The following CRB2 variants were observed in gnomAD, a reference collection of about 807,000 sequenced individuals.
CRB2 encodes the protein protein crumbs homolog 2.
Under a neutral mutation model 110.9 loss-of-function variants are expected in CRB2, and 85 were observed. The ratio of observed to expected loss-of-function variants is 0.77; its 90% CI spans 0.64 to 0.92. The LOEUF (loss-of-function observed/expected upper bound fraction) is 0.92, where lower values mean the gene tolerates loss of function less well. Ranked by LOEUF, CRB2 falls within the 40% of genes least tolerant of loss-of-function variation. The probability of loss-of-function intolerance (pLI) is 0.00; values close to 1 mark genes in which losing one functional copy is unlikely to be tolerated. For missense variants in CRB2, 1,843 were observed against 1,851.3 expected (o/e 1.00, Z 0.08); for synonymous variants, 907 against 831.0 (o/e 1.09, Z -1.57).
chr9:123,375,101 G>A, intron 11 of CRB2, 116 bp from the exon 12 acceptor site: 1 of 1,485,706 alleles, frequency 6.7e-7, no homozygotes, highest in Non-Finnish European at 9.2e-7. Context: ...AGCGCATGGG[G>A]ACAGTGGATG....
intron 2 of CRB2, among the ~76,000 whole-genome samples, chr9:123,365,576 A>G (rs903673057): frequency 1.3e-5 from 2 of 152,154 alleles, no homozygotes; most frequent in South Asian, 2.1e-4. Flanking sequence ...CCTTCCCTGA[A>G]CAGAGCAGAC....
chr9:123,361,215 C>T (rs1187164666), intron 1 of CRB2, among the ~76,000 whole-genome samples: 2 of 151,426 alleles, frequency 1.3e-5, no homozygotes, highest in Admixed American at 6.6e-5. Flanking sequence ...TTGGCACAGG[C>T]GCTGGCAGCC....
intron 12 of CRB2, among the ~76,000 whole-genome samples, chr9:123,375,747 GGA>G (rs1287634748): frequency 1.3e-5 from 2 of 152,216 alleles, no homozygotes; most frequent in African/African-American, 4.8e-5. Context: ...AGGAAGACAC[GGA>G]GGGGCAGGGG....
Position 123,373,917 on chromosome 9 carries a change from G to C in CRB2, c.3386G>C (p.Cys1129Ser), listed in dbSNP as rs2042062338. The C allele has an allele frequency of 6.5e-7, 1 of 1,550,006 alleles. No homozygotes were observed. The highest frequency in any genetic ancestry group is 8.7e-7 in the Non-Finnish European group (1 of 1,147,800). ...CCGCCTGGCTTCGGGGGCCCGCGCT[G>C]CAGGTGGGATGGCTGGGCAGGGGGG... is the stretch of plus-strand genomic sequence containing the variant. ...RCPPGFGGPR[C>S]RLPVPSKECS... Residue 1129 changes from cysteine to serine, a missense_variant, in exon 10 of 13, where the codon TGC becomes TCC. Coordinates refer to ENST00000373631, the MANE Select transcript of CRB2 (RefSeq NM_173689.7).
chr9:123,370,241 G>C lies in CRB2; in HGVS notation c.1188G>C (p.Gln396His). 1 of 1,613,312 alleles carries C rather than the reference G, an allele frequency of 6.2e-7. No individual in the cohort carries two copies. Among genetic ancestry groups the C allele is most frequent in the South Asian group, 1.1e-5 (1 of 91,082 alleles). The change falls in exon 7 of 13, where the codon CAG becomes CAC. Residue 396 changes from glutamine to histidine, a missense_variant. Physicochemically the swap from Gln to His is conservative, Grantham distance 24 (BLOSUM62 0). Transcript: ENST00000373631. ...ETWGGRDCSV[Q>H]LTGCQGHTCP... The stretch of plus-strand genomic sequence containing the variant: ...GGGGTGGGCGCGACTGTTCTGTGCA[G>C]CTCACTGGCTGCCAGGGCCACACCT...
intron 6 of CRB2, chr9:123,368,832 C>T (rs1017335857): frequency 3.2e-6 from 4 of 1,244,322 alleles, no homozygotes; most frequent in African/African-American, 1.6e-5. Context: ...AGCTCTGCCT[C>T]CTCCCCACTT....
At chr9:123,359,770 A>G (rs958728882) in intron 1 of CRB2, among the ~76,000 whole-genome samples, 1 of 151,976 alleles carries the variant, frequency 6.6e-6, no homozygotes, top group Non-Finnish European at 1.5e-5. Context: ...ACTTCTCATC[A>G]GTTGTTGGCT....
rs774240995 is a variant in CRB2 at position 123,373,432 on chromosome 9, G to GGCC, written c.2902_2904dup (p.Ala968dup). On this transcript the variant is annotated inframe_insertion, in exon 10 of 13. Coordinates refer to ENST00000373631, the MANE Select transcript of CRB2 (RefSeq NM_173689.7). ...TGCGTCTGGCCATGGAGCGCCCGGC[G>GGCC]GCCACCACCTCGCGCTGGCTGCTGT... is the stretch of plus-strand genomic sequence containing the variant. 13 of 1,448,092 alleles carry GGCC rather than the reference G, an allele frequency of 9.0e-6. No individual in the cohort carries two copies. The East Asian group carries it at 9.2e-5, about 10-fold the overall frequency. The allele number at this position is 1,448,092 out of a possible 1,614,324, so 89.7% of individuals were successfully genotyped here.
chr9:123,363,342 G>A (rs1013004332), intron 2 of CRB2, among the ~76,000 whole-genome samples, 154 bp downstream of exon 2: 2 of 152,212 alleles, frequency 1.3e-5, no homozygotes, highest in Non-Finnish European at 2.9e-5. Flanking sequence ...TCTGACTACA[G>A]AACTGATGCC....
Position 123,374,975 on chromosome 9 carries a change from G to A in CRB2, c.3507-242G>A, listed in dbSNP as rs559036327. Among the ~76,000 whole-genome samples, 21 of 152,332 alleles carry A rather than the reference G, an allele frequency of 1.4e-4. No individual in the cohort carries two copies. The South Asian group carries it at 3.3e-3, about 24-fold the overall frequency. On this transcript the variant is annotated intron_variant, in intron 11 of 12. Transcript: ENST00000373631. ...GATTCTGGGCCCTGCAGACAGTGGC[G>A]TCAGCGTCTGGGGCACCTGCCTTCA...
Position 123,365,918 on chromosome 9 carries a change from C to A in CRB2, c.420C>A (p.Gly140=). ...YECHCPLGYA[G]VTCEMEVDEC... ...CTGTGTGTCCCCTGCCCTGTCCAGG[C>A]GTGACCTGCGAGATGGAGGTGGACG... The change falls in exon 3 of 13, where the codon GGC becomes GGA. Residue 140 remains glycine (G), a splice_region_variant and synonymous_variant. Coordinates refer to ENST00000373631, the MANE Select transcript of CRB2 (RefSeq NM_173689.7). The A allele has an allele frequency of 1.3e-6, 2 of 1,592,566 alleles. No homozygotes were observed. Among genetic ancestry groups the A allele is most frequent in the Non-Finnish European group, 8.5e-7 (1 of 1,176,904 alleles).
intron 1 of CRB2, among the ~76,000 whole-genome samples, chr9:123,362,192 C>T (rs949899343): frequency 1.3e-5 from 2 of 152,150 alleles, no homozygotes; most frequent in Non-Finnish European, 2.9e-5. Context: ...ATGAGACCAG[C>T]GGAGCACACG....
Position 123,376,883 on chromosome 9 carries a change from G to A in CRB2, c.3679G>A (p.Val1227Ile), listed in dbSNP as rs143869738. The change falls in exon 13 of 13, where the codon GTA (valine) becomes ATA (isoleucine). Residue 1227 changes from valine to isoleucine, a missense_variant. Transcript: ENST00000373631. The stretch of plus-strand genomic sequence containing the variant: ...GCCATTCCCACTGCTGGAGGTGGCC[G>A]TACCTGCAGCCTGTGCCTGCCTCCT... ...PLPFPLLEVA[V>I]PAACACLLLL... The A allele has an allele frequency of 2.0e-4, 319 of 1,609,872 alleles. No individual in the cohort carries two copies. Among genetic ancestry groups the A allele is most frequent in the South Asian group, 1.0e-3 (93 of 90,362 alleles).
chr9:123,372,856 G>C (rs2042036144), intron 9 of CRB2, among the ~76,000 whole-genome samples: 1 of 152,246 alleles, frequency 6.6e-6, no homozygotes, highest in South Asian at 2.1e-4. Flanking sequence ...ATTCTGCCAG[G>C]AGTTGCTGTT....
At position 123,370,701 on chromosome 9, in the gene CRB2, C is replaced by T; in HGVS notation, c.1648C>T (p.Pro550Ser). Residue 550 changes from proline to serine, a missense_variant, in exon 7 of 13, where the codon CCT becomes TCT. Transcript: ENST00000373631. ...CPARLCVASGPVALASTASAT... is the reference protein window; with the variant it reads ...CPARLCVASGSVALASTASAT... ...TGCCCGGCTCTGTGTGGCCTCTGGTCCTGTGGCCCTGGCTTCCACGGCTTC... is the reference window on the plus strand; with the variant it reads ...TGCCCGGCTCTGTGTGGCCTCTGGTTCTGTGGCCCTGGCTTCCACGGCTTC... The T allele has an allele frequency of 1.9e-6, 3 of 1,605,118 alleles. No individual in the cohort carries two copies. Among genetic ancestry groups the T allele is most frequent in the Non-Finnish European group, 2.5e-6 (3 of 1,179,926 alleles).
intron 1 of CRB2, among the ~76,000 whole-genome samples, chr9:123,358,825 A>G (rs894988908): frequency 7.9e-5 from 12 of 152,236 alleles, no homozygotes; most frequent in Non-Finnish European, 1.3e-4. Flanking sequence ...GAGCGCTGGT[A>G]TAAGGATTGG....
chr9:123,354,330 G>T (rs1463619592), upstream of CRB2, among the ~76,000 whole-genome samples: 2 of 151,190 alleles, frequency 1.3e-5, no homozygotes, highest in Non-Finnish European at 2.9e-5. Context: ...CTGTGAAAGT[G>T]TGGGAGTTTG....
chr9:123,356,195 G>T (rs917561189), upstream of CRB2: 8 of 1,133,214 alleles, frequency 7.1e-6, no homozygotes, highest in South Asian at 7.1e-5. Flanking sequence ...GACGAGGGGG[G>T]TGCGGAGCCA....
In CRB2 at chr9:123,371,587, C is replaced by T; in HGVS notation, c.2436+9C>T. On this transcript the variant is annotated intron_variant, in intron 8 of 12. Transcript: ENST00000373631. Reference sequence around the variant, plus strand: ...CCGAGGACATGTGCAGTGTAAGTGTCTGGTGGCGGTGGTGGTGGTGGGGTG... The same window carrying T: ...CCGAGGACATGTGCAGTGTAAGTGTTTGGTGGCGGTGGTGGTGGTGGGGTG... 6.2e-7 allele frequency: 1 copy of T among 1,611,966 alleles called. No individual in the cohort carries two copies. Among genetic ancestry groups the T allele is most frequent in the Non-Finnish European group, 8.5e-7 (1 of 1,180,014 alleles).
Sources: gnomAD v4.1 joint callset for allele counts (sites outside exome capture counted in the v4.1 genomes callset) on GRCh38, gnomAD v4.1.1 for gene constraint, MANE v1.5 for transcripts, NCBI Gene and HGNC (gene_info 2026-07-23, HGNC 2026-07-21) for gene names.